The following MGLL variants were observed in gnomAD, a reference collection of about 807,000 sequenced individuals.
MGLL encodes the protein lysophospholipase homolog.
A neutral mutation model predicts 29.1 loss-of-function variants in MGLL; 7 were observed. The observed-to-expected ratio is 0.24, with a 90% CI of 0.14 to 0.45. The LOEUF (loss-of-function observed/expected upper bound fraction) is 0.45. Ranked by LOEUF, MGLL falls within the 20% of genes least tolerant of loss-of-function variation. MGLL has a pLI of 0.99. For synonymous variants in MGLL, 148 were observed against 168.3 expected (o/e 0.88, Z 0.93); for missense variants, 356 against 413.6 (o/e 0.86, Z 1.21).
Position 127,746,799 on chromosome 3 carries a change from C to A in MGLL, c.263-24233G>T, listed in dbSNP as rs529275849. Among the ~76,000 whole-genome samples the A allele has an allele frequency of 2.6e-5, 4 of 152,234 alleles. No homozygotes were observed. In the South Asian group the frequency reaches 6.2e-4, roughly 24 times the overall value. The stretch of plus-strand genomic sequence containing the variant: ...CCTGGCCTTCCAGCCCTTCTCCCCA[C>A]CCCCAGCCCCCAATCTCCCTCCAGC... On this transcript the variant is annotated intron_variant, in intron 3 of 7. Coordinates refer to ENST00000265052, the MANE Select transcript of MGLL (RefSeq NM_007283.7).
chr3:127,731,675 C>A (rs2076153486), intron 3 of MGLL, among the ~76,000 whole-genome samples: 2 of 152,328 alleles, frequency 1.3e-5, no homozygotes, highest in South Asian at 4.1e-4. Context: ...CTGCTCACTG[C>A]ACCTCACCTG....
rs559756344 is a variant in MGLL, at chr3:127,761,235, G to A, written c.262+20554C>T. On this transcript the variant is annotated intron_variant, in intron 3 of 7. Transcript: ENST00000265052. This position sits in a 1 kb window ranked among gnomAD's most constrained non-coding sequence, Gnocchi z 4.6. The stretch of plus-strand genomic sequence containing the variant: ...CCTTCGCACTATCAAGGGGCCCACC[G>A]CCTGGGAGGGATTTCTGGGGTGCTG... Among the ~76,000 whole-genome samples, 9 of 152,324 alleles carry A rather than the reference G, an allele frequency of 5.9e-5. No individual in the cohort carries two copies. The highest frequency in any genetic ancestry group is 1.3e-4 in the Admixed American group (2 of 15,304).
chr3:127,779,952 T>C (rs948379901), intron 3 of MGLL, among the ~76,000 whole-genome samples: 2 of 152,206 alleles, frequency 1.3e-5, no homozygotes, highest in South Asian at 4.1e-4. Context: ...ACTGGGTTCA[T>C]TTCCTGAATT....
intron 2 of MGLL, among the ~76,000 whole-genome samples, chr3:127,792,659 C>T (rs1017803383): frequency 6.6e-6 from 1 of 151,784 alleles, no homozygotes; most frequent in Admixed American, 6.6e-5. Flanking sequence ...GACGAGATCG[C>T]GCCATTGCAC....
chr3:127,697,693 T>C (rs1357459312), intron 6 of MGLL, among the ~76,000 whole-genome samples: 1 of 152,218 alleles, frequency 6.6e-6, no homozygotes, highest in Non-Finnish European at 1.5e-5. Flanking sequence ...CGGCTTATTT[T>C]CTCCTTGCCC....
At chr3:127,710,043 A>G (rs1403443272) in intron 6 of MGLL, among the ~76,000 whole-genome samples, 1 of 152,222 alleles carries the variant, frequency 6.6e-6, no homozygotes, top group Non-Finnish European at 1.5e-5. Context: ...TCAGTCAGTA[A>G]GAATCAGCCC....
rs142756811 is a variant in MGLL at position 127,730,913 on chromosome 3, C to T, written c.263-8347G>A. Among the ~76,000 whole-genome samples the T allele has an allele frequency of 6.6e-4, 100 of 152,298 alleles. No homozygotes were observed. In the East Asian group the frequency reaches 0.018, roughly 28 times the overall value. Reference sequence around the variant, plus strand: ...GTGCATGTGCCCATGTCTGCCAGGGCCGTCTTGGAGAGCAAAGATCATACT... The same window carrying T: ...GTGCATGTGCCCATGTCTGCCAGGGTCGTCTTGGAGAGCAAAGATCATACT... On this transcript the variant is annotated intron_variant, in intron 3 of 7. Transcript: ENST00000265052.
intron 3 of MGLL, among the ~76,000 whole-genome samples, chr3:127,732,256 T>C (rs1359225523): frequency 2.0e-5 from 3 of 152,246 alleles, no homozygotes; most frequent in South Asian, 4.1e-4. Flanking sequence ...GTTCATAACG[T>C]ACAAAGCACT....
intron 3 of MGLL, among the ~76,000 whole-genome samples, chr3:127,727,475 G>C (rs2076066938): frequency 6.6e-6 from 1 of 151,914 alleles, no homozygotes; most frequent in Non-Finnish European, 1.5e-5. Context: ...ACTTTGGGAG[G>C]CCAAGGTGGG....
Position 127,783,029 on chromosome 3 carries a change from AC to A in MGLL, c.156-1135del, listed in dbSNP as rs529648298. On this transcript the variant is annotated intron_variant, in intron 2 of 7. Transcript: ENST00000265052. ...GTCACTATAAAAAGTACAAAAATTA[AC>A]CAGGCATGGTGGCACACACCTGTAA... Among the ~76,000 whole-genome samples, 521 of 149,982 alleles carry A rather than the reference AC, an allele frequency of 3.5e-3. 5 individuals carry two copies. Among genetic ancestry groups the A allele is most frequent in the African/African-American group, 0.012 (505 of 40,782 alleles).
chr3:127,758,111 C>T (rs2076696592), intron 3 of MGLL, among the ~76,000 whole-genome samples: 1 of 152,176 alleles, frequency 6.6e-6, no homozygotes. Flanking sequence ...ACCCTCCTGC[C>T]CCAGGACCTT....
At chr3:127,812,692 C>T (rs1486418327) in intron 2 of MGLL, among the ~76,000 whole-genome samples, 15 of 152,164 alleles carry the variant, frequency 9.9e-5, no homozygotes, top group Admixed American at 3.3e-4. Flanking sequence ...GGAGATGAAG[C>T]GGACAAAGGA....
chr3:127,802,442 T>G (rs1356889918), intron 2 of MGLL, among the ~76,000 whole-genome samples: 1 of 152,174 alleles, frequency 6.6e-6, no homozygotes, highest in East Asian at 1.9e-4. Context: ...TTTCCCATCC[T>G]CCTGTAATCT....
At position 127,822,136 on chromosome 3, in the gene MGLL, T is replaced by A. The variant is rs970622456; in HGVS notation, c.10+173A>T. 7 of 745,138 alleles carry A rather than the reference T, an allele frequency of 9.4e-6. No individual in the cohort carries two copies. In the African/African-American group the frequency reaches 1.1e-4, roughly 11 times the overall value. The allele number at this position is 745,138 out of a possible 1,614,324, so 46.2% of individuals were successfully genotyped here. Reference sequence around the variant, plus strand: ...AGGAAACTTCATCTTAAAGACTATTTTAGCTGTAATCAAGTGGAAATTATA... The same window carrying A: ...AGGAAACTTCATCTTAAAGACTATTATAGCTGTAATCAAGTGGAAATTATA... On this transcript the variant is annotated intron_variant, in intron 1 of 7. Transcript: ENST00000265052.
chr3:127,769,059 T>C (rs1025491127), intron 3 of MGLL, among the ~76,000 whole-genome samples: 1 of 152,128 alleles, frequency 6.6e-6, no homozygotes, highest in Admixed American at 6.5e-5. Flanking sequence ...CTAGAAAGAG[T>C]TGGATTGTCA....
intron 6 of MGLL, 45 bp from the exon 7 acceptor site, chr3:127,695,235 C>T (rs2075335655): frequency 6.4e-7 from 1 of 1,568,172 alleles, no homozygotes; most frequent in African/African-American, 1.3e-5. Flanking sequence ...GCAGGGCTCA[C>T]TTCCATAAGC....
chr3:127,721,126 G>T lies in MGLL; in HGVS notation c.437C>A (p.Pro146Gln). The change falls in exon 5 of 8, where the codon CCG becomes CAG. Residue 146 changes from proline (P) to glutamine (Q), a missense_variant. Coordinates refer to ENST00000265052, the MANE Select transcript of MGLL (RefSeq NM_007283.7). ...GAGTACCATGCCGGCGAAGTGGCCC[G>T]GCCTCTCTGCGGCCGTGAGGATGGC... ...AIAILTAAERPGHFAGMVLIS... is the reference protein window; with the variant it reads ...AIAILTAAERQGHFAGMVLIS... 2 of 1,614,202 alleles carry T rather than the reference G, an allele frequency of 1.2e-6. No individual in the cohort carries two copies. Among genetic ancestry groups the T allele is most frequent in the Non-Finnish European group, 1.7e-6 (2 of 1,180,048 alleles).
At chr3:127,724,736 C>A (rs566277886) in intron 3 of MGLL, among the ~76,000 whole-genome samples, 1 of 152,268 alleles carries the variant, frequency 6.6e-6, no homozygotes, top group South Asian at 2.1e-4. Context: ...CAAGGCAACA[C>A]CAGGGCTGCC....
chr3:127,710,175 G>A (rs2107605542), intron 6 of MGLL, among the ~76,000 whole-genome samples: 1 of 152,364 alleles, frequency 6.6e-6, no homozygotes, highest in South Asian at 2.1e-4. Flanking sequence ...AACCAGGGGA[G>A]ATGAAAGCTG....
Sources: gnomAD v4.1 joint callset for allele counts (sites outside exome capture counted in the v4.1 genomes callset) on GRCh38, gnomAD v4.1.1 for gene constraint, Gnocchi (gnomAD v3.1) non-coding constraint, MANE v1.5 for transcripts, NCBI Gene and HGNC (gene_info 2026-07-23, HGNC 2026-07-21) for gene names.